ADAR: variants seen among roughly 807,000 people sequenced by gnomAD.
ADAR encodes the protein adenosine deaminase RNA specific.
In ADAR, 41 loss-of-function variants were observed where a neutral mutation model predicts 113.2. The observed-to-expected ratio is 0.36, with a 90% CI of 0.28 to 0.47. The LOEUF is 0.47. Ranked by LOEUF, ADAR falls within the 20% of genes least tolerant of loss-of-function variation. The probability of loss-of-function intolerance (pLI) is 1.00; values close to 1 mark genes in which losing one functional copy is unlikely to be tolerated. For missense variants in ADAR, 1,242 were observed against 1,540.9 expected, an observed-to-expected ratio of 0.81 and a Z score of 3.25; for synonymous variants, 605 against 572.6, an observed-to-expected ratio of 1.06 and a Z score of -0.81.
chr1:154,619,632 C>CA (rs950283700), intron 1 of ADAR, among the ~76,000 whole-genome samples: 21 of 151,474 alleles, frequency 1.4e-4, no homozygotes, highest in Non-Finnish European at 2.1e-4. Flanking sequence ...AGAACAACAA[C>CA]AAAAAAAACA....
upstream of ADAR, among the ~76,000 whole-genome samples, chr1:154,609,271 G>A (rs1008021838): frequency 6.6e-6 from 1 of 152,148 alleles, no homozygotes; most frequent in African/African-American, 2.4e-5. Flanking sequence ...TTGCTTCATG[G>A]TCAGGCTTCT....
chr1:154,627,060 G>C (rs1698960005), intron 1 of ADAR, among the ~76,000 whole-genome samples: 1 of 152,162 alleles, frequency 6.6e-6, no homozygotes. Flanking sequence ...TCCCGTGGCA[G>C]CCTAGACTCT....
intron 13 of ADAR, 194 bp from the exon 14 acceptor site, chr1:154,585,538 T>C: frequency 1.1e-6 from 1 of 942,626 alleles, no homozygotes; most frequent in East Asian, 2.6e-5. Context: ...AATTCCAGAC[T>C]AAGAGAAGAA....
rs780231624 is a variant in ADAR, at chr1:154,588,115, T to A, written c.3019+10A>T. On this transcript the variant is annotated intron_variant, in intron 11 of 14. Coordinates refer to ENST00000368474, the MANE Select transcript of ADAR (RefSeq NM_001111.5). Reference sequence around the variant, plus strand: ...TTTGAGGAAAGGAGGCGGGGGCATGTATCACTCACCGTTCTCCACCTTGGT... The same window carrying A: ...TTTGAGGAAAGGAGGCGGGGGCATGAATCACTCACCGTTCTCCACCTTGGT... 1 of 1,613,450 alleles carries A rather than the reference T, an allele frequency of 6.2e-7. No individual in the cohort carries two copies.
intron 3 of ADAR, among the ~76,000 whole-genome samples, chr1:154,598,188 A>G (rs369573621): frequency 3.0e-4 from 45 of 152,290 alleles, no homozygotes; most frequent in African/African-American, 1.1e-3. Context: ...CAAGTCCGAA[A>G]TTCTGTAAAT....
intron 1 of ADAR, among the ~76,000 whole-genome samples, chr1:154,607,526 G>A (rs187752200): frequency 8.1e-6 from 1 of 123,666 alleles, no homozygotes; most frequent in African/African-American, 2.6e-5. Context: ...GGGCTAAAGC[G>A]GGGGTAGGGG....
intron 10 of ADAR, 134 bp from the exon 11 acceptor site, chr1:154,588,392 A>G (rs1251237834): frequency 6.8e-7 from 1 of 1,475,306 alleles, no homozygotes; most frequent in East Asian, 2.3e-5. Context: ...GGTGGACAGC[A>G]GTACATGTGA....
Position 154,601,842 on chromosome 1 carries a change from T to C in ADAR, c.800A>G (p.Gln267Arg). 1 of 1,614,250 alleles carries C rather than the reference T, an allele frequency of 6.2e-7. No homozygotes were observed. The highest frequency in any genetic ancestry group is 8.5e-7 in the Non-Finnish European group (1 of 1,180,048). Residue 267 changes from glutamine (Q) to arginine (R), a missense_variant, in exon 2 of 15, where the codon CAA (glutamine) becomes CGA (arginine). Physicochemically the swap from Gln to Arg is conservative, Grantham distance 43. Around this residue, in one of 2 missense-constraint regions of ADAR, gnomAD observed 462 missense variants for 483.1 expected, o/e 0.96. Coordinates refer to ENST00000368474, the MANE Select transcript of ADAR (RefSeq NM_001111.5). The surrounding 1 kb of genome is among the most constrained non-coding windows in gnomAD (Gnocchi z 4.7). ...ACCTGGGTCTGAGTTTGGGGATCCT[T>C]GGCTATGACTGTCTGGTCTTACCAC... is the stretch of plus-strand genomic sequence containing the variant. Reference protein sequence around the residue: ...SGVVRPDSHSQGSPNSDPGLE... With the variant: ...SGVVRPDSHSRGSPNSDPGLE...
chr1:154,596,367 A>G (rs1260504269), intron 6 of ADAR, among the ~76,000 whole-genome samples: 1 of 151,606 alleles, frequency 6.6e-6, no homozygotes, highest in African/African-American at 2.4e-5. Context: ...CTGCCTCCCG[A>G]GTAGCTGGGA....
chr1:154,623,290 C>T (rs989690885), intron 1 of ADAR, among the ~76,000 whole-genome samples: 1 of 152,114 alleles, frequency 6.6e-6, no homozygotes, highest in Non-Finnish European at 1.5e-5. Flanking sequence ...AAGGGCAACC[C>T]AAACAGCAGA....
chr1:154,591,712 G>C (rs538033800), intron 6 of ADAR, among the ~76,000 whole-genome samples: 2 of 152,222 alleles, frequency 1.3e-5, no homozygotes, highest in African/African-American at 4.8e-5. Flanking sequence ...ATATAACAGA[G>C]GCTTCAGTTT....
intron 6 of ADAR, among the ~76,000 whole-genome samples, chr1:154,593,772 T>C (rs560697120): frequency 1.6e-4 from 25 of 152,166 alleles, no homozygotes; most frequent in Non-Finnish European, 2.6e-4. Flanking sequence ...TACATATCCA[T>C]GAGAGTAACA....
chr1:154,599,258 T>C (rs1697709594), intron 2 of ADAR, among the ~76,000 whole-genome samples: 2 of 152,238 alleles, frequency 1.3e-5, no homozygotes, highest in Non-Finnish European at 2.9e-5. Flanking sequence ...CTTTCAAATG[T>C]GGTGAGCTCT....
At position 154,582,939 on chromosome 1, in the gene ADAR, C is replaced by A. The variant is rs555264851; in HGVS notation, c.*1867G>T. ...TTCCTTGGGATGCTTTGGTGTTCTG[C>A]AAAGGCATCCTTAGTCTATTTTTAG... On this transcript the variant is annotated 3_prime_UTR_variant, in exon 15 of 15. Coordinates refer to ENST00000368474, the MANE Select transcript of ADAR (RefSeq NM_001111.5). 1 of 152,350 alleles carries A rather than the reference C, an allele frequency of 6.6e-6. No homozygotes were observed. Among genetic ancestry groups the A allele is most frequent in the South Asian group, 2.1e-4 (1 of 4,824 alleles). The allele number at this position is 152,350 out of a possible 1,614,324, so 9.4% of individuals were successfully genotyped here. A position where few individuals can be genotyped will look rare whatever the true frequency, so the allele number is the denominator to read the frequency against.
chr1:154,602,371 T>G lies in ADAR; in HGVS notation c.271A>C (p.Arg91=), dbSNP rs1309997722. ...SSTRGRQVDI[R]GVPRGVHLRS... is the part of the protein sequence containing the mutation. The stretch of plus-strand genomic sequence containing the variant: ...AGATGCACGCCCCTGGGGACACCCC[T>G]GATGTCCACTTGCCTGCCTCTGGTA... The change falls in exon 2 of 15, where the codon AGG becomes CGG. Residue 91 remains arginine, a synonymous_variant. Coordinates refer to ENST00000368474, the MANE Select transcript of ADAR (RefSeq NM_001111.5). 1.2e-6 allele frequency: 2 copies of G among 1,603,768 alleles called. No homozygotes were observed. Among genetic ancestry groups the G allele is most frequent in the East Asian group, 2.2e-5 (1 of 44,802 alleles).
rs1696444459 is a variant in ADAR at position 154,582,107 on chromosome 1, T to C, written c.*2699A>G. 6.6e-6 allele frequency: 1 copy of C among 152,370 alleles called. No individual in the cohort carries two copies. The highest frequency in any genetic ancestry group is 6.6e-5 in the Admixed American group (1 of 15,254). 9.4% of individuals were successfully genotyped at this position (152,370 alleles called of 1,614,324 possible). On this transcript the variant is annotated 3_prime_UTR_variant, in exon 15 of 15. Transcript: ENST00000368474. The stretch of plus-strand genomic sequence containing the variant: ...TTTTTTTATTTATGAGGAATGTATA[T>C]TGTTAAGTCACTGTTATCAAGGGAC...
chr1:154,587,531 C>G (rs1244605521), intron 11 of ADAR, among the ~76,000 whole-genome samples: 1 of 152,152 alleles, frequency 6.6e-6, no homozygotes, highest in Admixed American at 6.5e-5. Context: ...AGCACCGGCT[C>G]CATGGTAACT....
At chr1:154,609,490 G>C (rs943546287), upstream of ADAR, among the ~76,000 whole-genome samples, 5 of 152,142 alleles carry the variant, frequency 3.3e-5, no homozygotes, top group Admixed American at 3.3e-4. Flanking sequence ...TCCCTTGCAG[G>C]CTGGGCTCTG....
Position 154,607,733 on chromosome 1 carries a change from G to GCACACA in ADAR, c.15+253_15+258dup, listed in dbSNP as rs551880161. Among the ~76,000 whole-genome samples, 52 of 74,894 alleles carry GCACACA rather than the reference G, an allele frequency of 6.9e-4. 1 individual carries two copies. The highest frequency in any genetic ancestry group is 2.0e-3 in the African/African-American group (50 of 24,934). 49.1% of individuals were successfully genotyped at this position (74,894 alleles called of 152,430 possible). ...CTGCTTGGCAAGACTACACACACACGCACACACACACACACACACTCTCAC... is the reference window on the plus strand; with the variant it reads ...CTGCTTGGCAAGACTACACACACACGCACACACACACACACACACACACACTCTCAC... On this transcript the variant is annotated intron_variant, in intron 1 of 14. Coordinates refer to ENST00000368474, the MANE Select transcript of ADAR (RefSeq NM_001111.5).
Sources: gnomAD v4.1 joint callset for allele counts (sites outside exome capture counted in the v4.1 genomes callset) on GRCh38, gnomAD v4.1.1 for gene constraint, gnomAD v4.1.1 regional missense constraint, Gnocchi (gnomAD v3.1) non-coding constraint, MANE v1.5 for transcripts, NCBI Gene and HGNC (gene_info 2026-07-23, HGNC 2026-07-21) for gene names.